RBP3: variants seen among roughly 807,000 people sequenced by gnomAD.
The protein encoded by RBP3 is retinol-binding protein 3.
In RBP3, 50 loss-of-function variants were observed where a neutral mutation model predicts 64.8. The ratio of observed to expected loss-of-function variants is 0.77; its 90% CI spans 0.61 to 0.98. RBP3 has a LOEUF of 0.98. Among genes scored for constraint, RBP3 ranks in the 50% least tolerant of loss-of-function variants. The probability of loss-of-function intolerance (pLI) is 0.00; values close to 1 mark genes in which losing one functional copy is unlikely to be tolerated. For synonymous variants in RBP3, 828 were observed against 730.2 expected, an observed-to-expected ratio of 1.13 and a Z score of -2.16; for missense variants, 1,712 against 1,660.5, an observed-to-expected ratio of 1.03 and a Z score of -0.54.
In RBP3 at chr10:47,353,471, C is replaced by G. The variant is rs1316566744; in HGVS notation, c.3201C>G (p.Ile1067Met). 1 of 1,614,148 alleles carries G rather than the reference C, an allele frequency of 6.2e-7. No individual in the cohort carries two copies. The highest frequency in any genetic ancestry group is 1.1e-5 in the South Asian group (1 of 91,088). Residue 1067 changes from isoleucine (I) to methionine (M), a missense_variant, in exon 2 of 4, where the codon ATC (isoleucine) becomes ATG (methionine). Transcript: ENST00000584701. The part of the protein sequence containing the change: ...TQVSRLLVEH[I>M]WKKIMHTDAM... ...TCTCCAGGCTGCTGGTGGAGCACAT[C>G]TGGAAGAAGATCATGCACACGGATG...
At position 47,350,982 on chromosome 10, in the gene RBP3, G is replaced by A. The variant is rs200783520; in HGVS notation, c.2498G>A (p.Arg833His). The change falls in exon 1 of 4, where the codon CGC becomes CAC. Residue 833 changes from arginine to histidine, a missense_variant. Transcript: ENST00000584701. ...VWTLPQVAGQ[R>H]YGSHKDLYIL... Reference sequence around the variant, plus strand: ...ACCTTGCCCCAGGTCGCCGGCCAGCGCTACGGCTCACACAAGGACCTCTAC... The same window carrying A: ...ACCTTGCCCCAGGTCGCCGGCCAGCACTACGGCTCACACAAGGACCTCTAC... 3.0e-5 allele frequency: 49 copies of A among 1,611,718 alleles called. No individual in the cohort carries two copies. In the African/African-American group the frequency reaches 3.5e-4, roughly 11 times the overall value.
At chr10:47,353,251 C>T (rs1010184852) in intron 1 of RBP3, 74 bp from the exon 2 acceptor site, 35 of 1,380,612 alleles carry the variant, frequency 2.5e-5, no homozygotes, top group African/African-American at 1.3e-4. Context: ...TAATATTTCC[C>T]ATGGCGCCTG....
At chr10:47,351,651 C>G in intron 1 of RBP3, 113 bp downstream of exon 1, 1 of 1,358,054 alleles carries the variant, frequency 7.4e-7, no homozygotes, top group South Asian at 1.2e-5. Context: ...GATTTGTTCT[C>G]ACGTTTAAGT....
chr10:47,356,127 C>A (rs1837043527), intron 3 of RBP3, among the ~76,000 whole-genome samples: 1 of 152,180 alleles, frequency 6.6e-6, no homozygotes, highest in Admixed American at 6.5e-5. Context: ...GGAACTTGTG[C>A]TCCTACCCAA....
chr10:47,357,034 G>A (rs1837055639), intron 3 of RBP3, 68 bp from the exon 4 acceptor site: 14 of 1,460,936 alleles, frequency 9.6e-6, no homozygotes, highest in Non-Finnish European at 1.3e-5. Context: ...GGCCCAGGCA[G>A]GATAGAGAAG....
chr10:47,356,626 G>A, intron 3 of RBP3, among the ~76,000 whole-genome samples: 1 of 152,276 alleles, frequency 6.6e-6, no homozygotes. Context: ...CTTTTTGCTT[G>A]CTTAACATGG....
rs782400463 is a variant in RBP3 at position 47,357,429 on chromosome 10, G to A, written c.3716G>A (p.Arg1239Gln). The A allele has an allele frequency of 8.1e-6, 13 of 1,613,264 alleles. No individual in the cohort carries two copies. The highest frequency in any genetic ancestry group is 4.0e-5 in the African/African-American group (3 of 74,918). Residue 1239 changes from arginine to glutamine, a missense_variant, in exon 4 of 4, where the codon CGG (arginine) becomes CAG (glutamine). Coordinates refer to ENST00000584701, the MANE Select transcript of RBP3 (RefSeq NM_002900.3). ...CAGCACAACCAGCTGAGGGTGAAGCGGAGCCCAGGCCTGCAGGACCACCTG... is the reference window on the plus strand; with the variant it reads ...CAGCACAACCAGCTGAGGGTGAAGCAGAGCCCAGGCCTGCAGGACCACCTG... ...MLQHNQLRVK[R>Q]SPGLQDHL is the part of the protein sequence containing the mutation.
chr10:47,349,322 G>A lies in RBP3; in HGVS notation c.838G>A (p.Val280Met), dbSNP rs199766969. The A allele has an allele frequency of 6.2e-7, 1 of 1,612,720 alleles. No homozygotes were observed. Among genetic ancestry groups the A allele is most frequent in the Non-Finnish European group, 8.5e-7 (1 of 1,179,986 alleles). The change falls in exon 1 of 4, where the codon GTG (valine) becomes ATG (methionine). Residue 280 changes from valine (V) to methionine (M), a missense_variant. Physicochemically the swap from Val to Met is conservative, Grantham distance 21 (BLOSUM62 1). Coordinates refer to ENST00000584701, the MANE Select transcript of RBP3 (RefSeq NM_002900.3). The stretch of plus-strand genomic sequence containing the variant: ...AGGCGAGTCTGACTTCTTCTTCACG[G>A]TGCCCGTGTCCAGGTCCCTGGGGCC... ...RIGESDFFFT[V>M]PVSRSLGPLG... is the part of the protein sequence containing the mutation.
At chr10:47,352,485 A>G (rs980336445) in intron 1 of RBP3, among the ~76,000 whole-genome samples, 2 of 152,238 alleles carry the variant, frequency 1.3e-5, no homozygotes, top group East Asian at 3.9e-4. Context: ...AAAAGCATCT[A>G]CTACAGAATT....
chr10:47,354,951 G>A (rs1837025847), intron 2 of RBP3, among the ~76,000 whole-genome samples: 1 of 152,178 alleles, frequency 6.6e-6, no homozygotes, highest in African/African-American at 2.4e-5. Flanking sequence ...AAGACAGCTG[G>A]TAGGTGTCAT....
chr10:47,348,601 C>T lies in RBP3; in HGVS notation c.117C>T (p.Tyr39=), dbSNP rs782387561. 6.2e-7 allele frequency: 1 copy of T among 1,613,360 alleles called. No homozygotes were observed. Among genetic ancestry groups the T allele is most frequent in the Non-Finnish European group, 8.5e-7 (1 of 1,180,044 alleles). The change falls in exon 1 of 4, where the codon TAC becomes TAT. Residue 39 remains tyrosine (Y), a synonymous_variant. Transcript: ENST00000584701. ...TGGCCAAGGTCCTCTTGGATAACTACTGCTTCCCGGAGAACCTGCTGGGCA... is the reference window on the plus strand; with the variant it reads ...TGGCCAAGGTCCTCTTGGATAACTATTGCTTCCCGGAGAACCTGCTGGGCA... ...LDMAKVLLDN[Y]CFPENLLGMQ...
Position 47,355,403 on chromosome 10 carries a change from C to G in RBP3, c.3273C>G (p.Ser1091=). ...MRFNIGGPTS[S]IPILCSYFFD... ...TCAACATCGGTGGCCCCACATCCTCCATTCCCATCTTGTGCTCCTACTTCT... is the reference window on the plus strand; with the variant it reads ...TCAACATCGGTGGCCCCACATCCTCGATTCCCATCTTGTGCTCCTACTTCT... The change falls in exon 3 of 4, where the codon TCC becomes TCG. Residue 1091 remains serine, a synonymous_variant. Coordinates refer to ENST00000584701, the MANE Select transcript of RBP3 (RefSeq NM_002900.3). The G allele has an allele frequency of 6.2e-7, 1 of 1,614,134 alleles. No individual in the cohort carries two copies. Among genetic ancestry groups the G allele is most frequent in the Non-Finnish European group, 8.5e-7 (1 of 1,180,038 alleles).
Position 47,355,471 on chromosome 10 carries a change from G to A in RBP3, c.3341G>A (p.Arg1114Gln), listed in dbSNP as rs201185969. The A allele has an allele frequency of 1.2e-5, 20 of 1,614,036 alleles. No individual in the cohort carries two copies. Among genetic ancestry groups the A allele is most frequent in the African/African-American group, 9.3e-5 (7 of 74,910 alleles). Residue 1114 changes from arginine (R) to glutamine (Q), a missense_variant, in exon 3 of 4, where the codon CGG (arginine) becomes CAG (glutamine). Arg to Gln is a conservative substitution (Grantham distance 43). Transcript: ENST00000584701. Reference sequence around the variant, plus strand: ...GTTCTGCTGGACAAGATCTACAGCCGGCCTGATGACTCTGTCAGTGAACTC... The same window carrying A: ...GTTCTGCTGGACAAGATCTACAGCCAGCCTGATGACTCTGTCAGTGAACTC... Reference protein sequence around the residue: ...PPVLLDKIYSRPDDSVSELWT... With the variant: ...PPVLLDKIYSQPDDSVSELWT...
chr10:47,352,953 C>A (rs1322233059), intron 1 of RBP3, among the ~76,000 whole-genome samples: 2 of 152,138 alleles, frequency 1.3e-5, no homozygotes, highest in Non-Finnish European at 2.9e-5. Context: ...TAGTACCGGG[C>A]CAGGTGCCTG....
rs145181839 is a variant in RBP3, at chr10:47,349,468, G to C, written c.984G>C (p.Gly328=). 1 of 1,612,768 alleles carries C rather than the reference G, an allele frequency of 6.2e-7. No individual in the cohort carries two copies. Among genetic ancestry groups the C allele is most frequent in the Non-Finnish European group, 8.5e-7 (1 of 1,180,016 alleles). ...AILTLRSALP[G]VVHCLQEVLK... is the part of the protein sequence containing the mutation. ...TCACTCTGCGCAGCGCCCTTCCAGG[G>C]GTAGTCCACTGCCTCCAGGAGGTCC... The change falls in exon 1 of 4, where the codon GGG becomes GGC. Residue 328 remains glycine, a synonymous_variant. Coordinates refer to ENST00000584701, the MANE Select transcript of RBP3 (RefSeq NM_002900.3).
Position 47,350,282 on chromosome 10 carries a change from G to C in RBP3, c.1798G>C (p.Asp600His). 6.2e-7 allele frequency: 1 copy of C among 1,608,632 alleles called. No individual in the cohort carries two copies. The highest frequency in any genetic ancestry group is 1.7e-5 in the Admixed American group (1 of 60,024). The change falls in exon 1 of 4, where the codon GAC (aspartate) becomes CAC (histidine). Residue 600 changes from aspartate (D) to histidine (H), a missense_variant. By Grantham distance (81) the Asp-to-His change is moderately conservative. Coordinates refer to ENST00000584701, the MANE Select transcript of RBP3 (RefSeq NM_002900.3). ...CACCGTGCCGGTCCTCACCTTCATC[G>C]ACAATCACGGCGAGGCCTGGCTGGG... is the stretch of plus-strand genomic sequence containing the variant. ...ALTVPVLTFI[D>H]NHGEAWLGGG...
Position 47,350,134 on chromosome 10 carries a change from G to A in RBP3, c.1650G>A (p.Glu550=), listed in dbSNP as rs781787930. ...GCCACCGCACCGCCACGGCCGCGGAGGAGTTCGCCTTCCTTATGCAGTCGC... is the reference window on the plus strand; with the variant it reads ...GCCACCGCACCGCCACGGCCGCGGAAGAGTTCGCCTTCCTTATGCAGTCGC... ...LTSHRTATAA[E]EFAFLMQSLG... Residue 550 remains glutamate (E), a synonymous_variant, in exon 1 of 4, where the codon GAG becomes GAA. Coordinates refer to ENST00000584701, the MANE Select transcript of RBP3 (RefSeq NM_002900.3). The A allele has an allele frequency of 9.3e-6, 15 of 1,613,056 alleles. No homozygotes were observed. Among genetic ancestry groups the A allele is most frequent in the Non-Finnish European group, 1.3e-5 (15 of 1,180,018 alleles).
intron 3 of RBP3, among the ~76,000 whole-genome samples, 192 bp from the exon 4 acceptor site, chr10:47,356,910 T>C (rs1837053753): frequency 6.6e-6 from 1 of 152,206 alleles, no homozygotes; most frequent in East Asian, 1.9e-4. Flanking sequence ...TGATTGGGCA[T>C]GCATTCTTGT....
Position 47,349,054 on chromosome 10 carries a change from G to A in RBP3, c.570G>A (p.Gly190=), listed in dbSNP as rs782004189. 7 of 1,614,002 alleles carry A rather than the reference G, an allele frequency of 4.3e-6. No homozygotes were observed. The Admixed American group carries it at 8.3e-5, about 19-fold the overall frequency. The change falls in exon 1 of 4, where the codon GGG becomes GGA. Residue 190 remains glycine (G), a synonymous_variant. Coordinates refer to ENST00000584701, the MANE Select transcript of RBP3 (RefSeq NM_002900.3). ...IPYIISYLHP[G]NTILHVDTIY... ...ACATCATCTCCTACCTGCACCCAGG[G>A]AACACCATCCTGCACGTGGACACTA...
Sources: gnomAD v4.1 joint callset for allele counts (sites outside exome capture counted in the v4.1 genomes callset) on GRCh38, gnomAD v4.1.1 for gene constraint, MANE v1.5 for transcripts, NCBI Gene and HGNC (gene_info 2026-07-23, HGNC 2026-07-21) for gene names.